ARHGAP18: variants seen among roughly 807,000 people sequenced by gnomAD.
ARHGAP18 encodes rho GTPase-activating protein 18.
Under a neutral mutation model 86.2 loss-of-function variants are expected in ARHGAP18, and 67 were observed. The observed-to-expected ratio is 0.78, with a 90% CI of 0.64 to 0.95. The LOEUF is 0.95. ARHGAP18 is among the 40% of genes least tolerant of loss of function. The pLI is 0.00. For synonymous variants in ARHGAP18, 283 were observed against 280.4 expected, an observed-to-expected ratio of 1.01 and a Z score of -0.09; for missense variants, 691 against 780.4, an observed-to-expected ratio of 0.89 and a Z score of 1.37.
chr6:129,661,467 T>C (rs1349430844), intron 1 of ARHGAP18, among the ~76,000 whole-genome samples: 1 of 151,612 alleles, frequency 6.6e-6, no homozygotes, highest in African/African-American at 2.4e-5. Flanking sequence ...CTTTACTGTT[T>C]CTTTCCCCCT....
rs143503489 is a variant in ARHGAP18, at chr6:129,703,623, A to G, written c.113+6401T>C. Among the ~76,000 whole-genome samples, 727 of 152,394 alleles carry G rather than the reference A, an allele frequency of 4.8e-3. 9 individuals are homozygous for G. Among genetic ancestry groups the G allele is most frequent in the African/African-American group, 0.017 (694 of 41,600 alleles). On this transcript the variant is annotated intron_variant, in intron 1 of 14. Transcript: ENST00000368149. Reference sequence around the variant, plus strand: ...GCCCACAAAAATCACAGGTCTCGTCAATGAGAGGAATCAAAAGGCAAATAT... The same window carrying G: ...GCCCACAAAAATCACAGGTCTCGTCGATGAGAGGAATCAAAAGGCAAATAT...
At chr6:129,583,260 A>C (rs927620335) in intron 13 of ARHGAP18, among the ~76,000 whole-genome samples, 1 of 152,236 alleles carries the variant, frequency 6.6e-6, no homozygotes, top group African/African-American at 2.4e-5. Flanking sequence ...GCATGAAAAC[A>C]TGACTTCAGC....
intron 6 of ARHGAP18, among the ~76,000 whole-genome samples, chr6:129,617,580 G>T (rs558127984): frequency 1.3e-5 from 2 of 152,142 alleles, no homozygotes; most frequent in South Asian, 4.1e-4. Flanking sequence ...AACAGTGATA[G>T]CCTTGATATA....
At chr6:129,616,521 CA>C (rs1789102808) in intron 6 of ARHGAP18, among the ~76,000 whole-genome samples, 1 of 152,098 alleles carries the variant, frequency 6.6e-6, no homozygotes, top group Admixed American at 6.5e-5. Context: ...GACAACTAAA[CA>C]AATGATTGCA....
chr6:129,622,574 C>G (rs1475167218), intron 5 of ARHGAP18, among the ~76,000 whole-genome samples: 1 of 152,120 alleles, frequency 6.6e-6, no homozygotes, highest in Non-Finnish European at 1.5e-5. Flanking sequence ...TTCATAGCAG[C>G]AGCTTTAAAT....
intron 1 of ARHGAP18, among the ~76,000 whole-genome samples, chr6:129,659,907 T>C (rs1359871436): frequency 6.6e-6 from 1 of 152,142 alleles, no homozygotes; most frequent in Non-Finnish European, 1.5e-5. Flanking sequence ...AGTAGGAGTC[T>C]ACCAGGTAGA....
chr6:129,705,970 A>G (rs1283273171), intron 1 of ARHGAP18, among the ~76,000 whole-genome samples: 1 of 152,208 alleles, frequency 6.6e-6, no homozygotes, highest in East Asian at 1.9e-4. Flanking sequence ...CTGCCTACCC[A>G]ATACCAATGG....
intron 10 of ARHGAP18, among the ~76,000 whole-genome samples, chr6:129,601,522 G>GAGAGAAA: frequency 6.6e-6 from 1 of 150,814 alleles, no homozygotes; most frequent in Admixed American, 6.6e-5. Context: ...AAAGAGAGAA[G>GAGAGAAA]AGAGAAAAGA....
At chr6:129,698,333 AAT>A (rs1584120797) in intron 1 of ARHGAP18, among the ~76,000 whole-genome samples, 1 of 152,264 alleles carries the variant, frequency 6.6e-6, no homozygotes, top group East Asian at 1.9e-4. Flanking sequence ...CAAATCTCTA[AAT>A]ATGATTTTAA....
At chr6:129,634,247 G>T in intron 3 of ARHGAP18, 142 bp from the exon 4 acceptor site, 1 of 626,524 alleles carries the variant, frequency 1.6e-6, no homozygotes, top group South Asian at 2.7e-5. Context: ...GGGGCACTAA[G>T]ATAATAATCA....
intron 12 of ARHGAP18, among the ~76,000 whole-genome samples, chr6:129,585,905 C>T (rs1239393646): frequency 6.6e-6 from 1 of 152,204 alleles, no homozygotes; most frequent in Non-Finnish European, 1.5e-5. Flanking sequence ...CAGCCTGAAT[C>T]CTTGGCTTGG....
chr6:129,651,166 GAAGT>G (rs1773703789), intron 1 of ARHGAP18, among the ~76,000 whole-genome samples: 1 of 147,556 alleles, frequency 6.8e-6, no homozygotes, highest in South Asian at 2.1e-4. Flanking sequence ...AAACTACAAA[GAAGT>G]AAGAGAGGGA....
At chr6:129,630,908 C>A (rs901258851) in intron 4 of ARHGAP18, among the ~76,000 whole-genome samples, 3 of 152,140 alleles carry the variant, frequency 2.0e-5, no homozygotes, top group Admixed American at 2.0e-4. Context: ...TTACCTGTGC[C>A]AATTCCAAAA....
chr6:129,596,248 C>A (rs1254919849), intron 12 of ARHGAP18, among the ~76,000 whole-genome samples: 1 of 152,154 alleles, frequency 6.6e-6, no homozygotes, highest in Non-Finnish European at 1.5e-5. Context: ...TTTCACACTA[C>A]CGTTCCCTCT....
chr6:129,615,245 G>A (rs545112313), intron 7 of ARHGAP18, among the ~76,000 whole-genome samples: 1 of 152,318 alleles, frequency 6.6e-6, no homozygotes, highest in East Asian at 1.9e-4. Flanking sequence ...GTTAATCACA[G>A]GTACTGCTGA....
intron 13 of ARHGAP18, 96 bp downstream of exon 13, chr6:129,583,890 CAA>C (rs113008374): frequency 0.019 from 21,244 of 1,145,456 alleles, no homozygotes; most frequent in South Asian, 0.029. Context: ...ACAATTAAAA[CAA>C]AAAAAAAAAA....
rs34803612 is a variant in ARHGAP18 at position 129,600,648 on chromosome 6, C to G, written c.1566G>C (p.Leu522=). 1.6e-3 allele frequency: 2,536 copies of G among 1,612,800 alleles called. 42 individuals are homozygous for G. In the African/African-American group the frequency reaches 0.031, roughly 20 times the overall value. ...GCATATGATATATACTTACTGTCCA[C>G]AGAAGTTTTTGGTACTTAATCAATA... ...MHLLIKYQKL[L]WTIPKFIVNQ... is the part of the protein sequence containing the mutation. The change falls in exon 11 of 15, where the codon CTG becomes CTC. Residue 522 remains leucine, a synonymous_variant. Transcript: ENST00000368149.
At chr6:129,601,456 C>A (rs1218406120) in intron 10 of ARHGAP18, among the ~76,000 whole-genome samples, 6 of 144,638 alleles carry the variant, frequency 4.1e-5, no homozygotes, top group Non-Finnish European at 9.0e-5. Flanking sequence ...CAGAGAGAAA[C>A]CCTCTCTCAA....
intron 1 of ARHGAP18, chr6:129,661,977 C>T (rs1773963105): frequency 8.8e-6 from 8 of 905,972 alleles, no homozygotes; most frequent in African/African-American, 1.8e-5. Flanking sequence ...TGTTGCCACA[C>T]ACACACACAC....
Sources: gnomAD v4.1 joint callset for allele counts (sites outside exome capture counted in the v4.1 genomes callset) on GRCh38, gnomAD v4.1.1 for gene constraint, MANE v1.5 for transcripts, NCBI Gene and HGNC (gene_info 2026-07-23, HGNC 2026-07-21) for gene names.